Variants in PHEX observed in about 807,000 individuals in gnomAD.
The protein encoded by PHEX is phosphate regulating endopeptidase X-linked.
PHEX carries 16 observed loss-of-function variants against 68.0 expected under a neutral mutation model. The ratio of observed to expected loss-of-function variants is 0.24; its 90% CI spans 0.16 to 0.36. The LOEUF is 0.36. Among genes scored for constraint, PHEX ranks in the 10% least tolerant of loss-of-function variants. PHEX has a pLI of 1.00. For missense variants in PHEX, 480 were observed against 575.5 expected, an observed-to-expected ratio of 0.83 and a Z score of 1.70; for synonymous variants, 208 against 205.1, an observed-to-expected ratio of 1.01 and a Z score of -0.12.
At chrX:22,057,250 T>G (rs1255931641) in intron 3 of PHEX, among the ~76,000 whole-genome samples, 1 of 111,748 alleles carries the variant, frequency 8.9e-6, no homozygotes, top group African/African-American at 3.3e-5. Context: ...AGGTGAAATA[T>G]CTGGGAATAA....
intron 9 of PHEX, among the ~76,000 whole-genome samples, chrX:22,100,161 C>G (rs1010747678): frequency 8.9e-6 from 1 of 111,924 alleles, no homozygotes; most frequent in Non-Finnish European, 1.9e-5. Context: ...TCTAGAGGTA[C>G]GTAATTATAT....
At chrX:22,132,309 T>C (rs1932042925) in intron 11 of PHEX, among the ~76,000 whole-genome samples, 1 of 111,025 alleles carries the variant, frequency 9.0e-6, no homozygotes, top group Non-Finnish European at 1.9e-5. Flanking sequence ...GGTCCTCTTG[T>C]GTTGCCCAGG....
intron 20 of PHEX, among the ~76,000 whole-genome samples, chrX:22,234,489 G>A (rs1250565515): frequency 9.0e-6 from 1 of 110,773 alleles, no homozygotes; most frequent in Admixed American, 9.6e-5. Context: ...ACATCTGGCA[G>A]TCTGGCCACA....
chrX:22,174,361 C>T (rs1933634219), intron 13 of PHEX, among the ~76,000 whole-genome samples: 1 of 112,035 alleles, frequency 8.9e-6, no homozygotes, highest in African/African-American at 3.2e-5. Context: ...CTTGTTTCTA[C>T]TTCTAGAAAA....
chrX:22,059,302 T>C (rs1267524081), intron 3 of PHEX, among the ~76,000 whole-genome samples: 1 of 112,332 alleles, frequency 8.9e-6, no homozygotes, highest in African/African-American at 3.2e-5. Context: ...CTGGTACTAT[T>C]AGCAGTGCCT....
At chrX:22,111,396 C>G in intron 9 of PHEX, 71 bp from the exon 10 acceptor site, 4 of 859,282 alleles carry the variant, frequency 4.7e-6, no homozygotes, top group Admixed American at 2.2e-5. Flanking sequence ...AACTGTTTCT[C>G]TCAAGATGTT....
At chrX:22,079,377 T>C (rs1201076865) in intron 5 of PHEX, among the ~76,000 whole-genome samples, 2 of 112,252 alleles carry the variant, frequency 1.8e-5, no homozygotes, top group African/African-American at 6.5e-5. Context: ...TCTGATGTTA[T>C]GTTTCTTTCT....
chrX:22,157,949 C>G (rs1037381254), intron 12 of PHEX, among the ~76,000 whole-genome samples: 7 of 111,462 alleles, frequency 6.3e-5, no homozygotes, highest in Non-Finnish European at 1.1e-4. Context: ...GTGGACCGCA[C>G]CCAAAAGCAA....
At chrX:22,228,301 A>G (rs897895350) in intron 20 of PHEX, among the ~76,000 whole-genome samples, 2 of 111,926 alleles carry the variant, frequency 1.8e-5, no homozygotes, top group Non-Finnish European at 3.8e-5. Context: ...AGGTCAATAA[A>G]GGTTCTAGTG....
chrX:22,201,368 A>G (rs1341231479), intron 15 of PHEX, among the ~76,000 whole-genome samples: 1 of 111,094 alleles, frequency 9.0e-6, no homozygotes, highest in Non-Finnish European at 1.9e-5. Context: ...TATTTTTATT[A>G]GAGACAGGAG....
intron 2 of PHEX, among the ~76,000 whole-genome samples, chrX:22,040,040 G>C (rs1328611546): frequency 9.0e-6 from 1 of 111,672 alleles, no homozygotes; most frequent in Non-Finnish European, 1.9e-5. Flanking sequence ...GGGGAGGTGA[G>C]GGGAAACCTG....
chrX:22,216,515 A>T (rs1935100019), intron 16 of PHEX, among the ~76,000 whole-genome samples: 1 of 106,706 alleles, frequency 9.4e-6, no homozygotes, highest in Admixed American at 1.0e-4. Flanking sequence ...TTATTTATTT[A>T]TTTATTTATT....
intron 11 of PHEX, 50 bp downstream of exon 11, chrX:22,114,636 C>T (rs1931154908): frequency 9.1e-7 from 1 of 1,100,222 alleles, no homozygotes; most frequent in Admixed American, 2.2e-5. Context: ...TTAGCCAGAT[C>T]TGACAAGGGT....
chrX:22,143,304 C>T (rs971064324), intron 12 of PHEX, among the ~76,000 whole-genome samples: 3 of 112,141 alleles, frequency 2.7e-5, no homozygotes, highest in African/African-American at 9.7e-5. Flanking sequence ...GTTACCAACA[C>T]ATAGAAATAA....
chrX:22,037,645 T>C (rs1204985880), intron 1 of PHEX, among the ~76,000 whole-genome samples: 2 of 105,109 alleles, frequency 1.9e-5, no homozygotes, highest in African/African-American at 7.0e-5. Context: ...TTTTTTGGAG[T>C]GGGGGAAGGG....
rs763705349 is a variant in PHEX at position 22,037,953 on chromosome X, G to C, written c.119-516G>C. Among the ~76,000 whole-genome samples the C allele has an allele frequency of 6.5e-4, 73 of 111,600 alleles. 1 individual carries two copies. The highest frequency in any genetic ancestry group is 2.9e-4 in the Admixed American group (3 of 10,503). ...TTTCAATTTTCCCATCTTGAACATGGGCATGGAGTTATAAACCAATAGAGT... is the reference window on the plus strand; with the variant it reads ...TTTCAATTTTCCCATCTTGAACATGCGCATGGAGTTATAAACCAATAGAGT... On this transcript the variant is annotated intron_variant, in intron 1 of 21. Transcript: ENST00000379374.
intron 10 of PHEX, among the ~76,000 whole-genome samples, chrX:22,113,981 A>C (rs1602306513): frequency 2.6e-5 from 2 of 75,514 alleles, no homozygotes; most frequent in African/African-American, 5.7e-5. Flanking sequence ...ACAGAGTCTC[A>C]CTCTATTGCC....
In PHEX at chrX:22,124,963, T is replaced by G. The variant is rs189630977; in HGVS notation, c.1303-8560T>G. ...AAACCTCAGCATTTTCTAACTATCCTTAGTTCTTCTGGTTTAACCACATGT... is the reference window on the plus strand; with the variant it reads ...AAACCTCAGCATTTTCTAACTATCCGTAGTTCTTCTGGTTTAACCACATGT... On this transcript the variant is annotated intron_variant, in intron 11 of 21. Transcript: ENST00000379374. Among the ~76,000 whole-genome samples, 3 of 112,142 alleles carry G rather than the reference T, an allele frequency of 2.7e-5. No individual in the cohort carries two copies. In the South Asian group the frequency reaches 1.1e-3, roughly 41 times the overall value.
At chrX:22,111,987 T>C (rs753032879) in intron 10 of PHEX, among the ~76,000 whole-genome samples, 3 of 112,182 alleles carry the variant, frequency 2.7e-5, no homozygotes, top group Non-Finnish European at 5.6e-5. Flanking sequence ...TATTGGATGG[T>C]AGAACTTCAT....
Sources: allele counts gnomAD v4.1 joint callset (sites outside exome capture counted in the v4.1 genomes callset), GRCh38; gene constraint gnomAD v4.1.1; transcripts MANE v1.5; gene names NCBI Gene and HGNC (gene_info 2026-07-23, HGNC 2026-07-21).